DAPK1: variants seen among roughly 807,000 people sequenced by gnomAD.
DAPK1 encodes death associated protein kinase 1.
In DAPK1, 56 loss-of-function variants were observed where a neutral mutation model predicts 144.9. That is an observed-to-expected ratio of 0.39 (90% CI 0.31 to 0.48). DAPK1 has a LOEUF of 0.48. Among genes scored for constraint, DAPK1 ranks in the 20% least tolerant of loss-of-function variants. The pLI is 0.95. For missense variants in DAPK1, 1,454 were observed against 1,875.4 expected, an observed-to-expected ratio of 0.78 and a Z score of 4.15; for synonymous variants, 690 against 749.0, an observed-to-expected ratio of 0.92 and a Z score of 1.29.
At chr9:87,517,126 G>GGA (rs1554675696) in intron 2 of DAPK1, among the ~76,000 whole-genome samples, 1 of 151,588 alleles carries the variant, frequency 6.6e-6, no homozygotes, top group Non-Finnish European at 1.5e-5. Context: ...CAGTGTGTAG[G>GGA]AGAGTGAAGA....
intron 2 of DAPK1, among the ~76,000 whole-genome samples, chr9:87,562,724 A>G (rs1337353741): frequency 6.6e-6 from 1 of 152,244 alleles, no homozygotes. Flanking sequence ...GCTTAATTTA[A>G]AGCACACTGT....
intron 2 of DAPK1, among the ~76,000 whole-genome samples, chr9:87,566,243 G>A (rs192553054): frequency 1.3e-5 from 2 of 151,866 alleles, no homozygotes; most frequent in Non-Finnish European, 2.9e-5. Context: ...GGATAATCTC[G>A]ATCTCCTGAC....
chr9:87,643,134 A>C (rs935744971), intron 10 of DAPK1, among the ~76,000 whole-genome samples: 1 of 152,154 alleles, frequency 6.6e-6, no homozygotes, highest in Non-Finnish European at 1.5e-5. Flanking sequence ...TGGAAGGAGA[A>C]TCTCTATATC....
chr9:87,498,047 G>A lies in DAPK1; in HGVS notation c.-169G>A, dbSNP rs1199317411. 1 of 397,840 alleles carries A rather than the reference G, an allele frequency of 2.5e-6. No homozygotes were observed. Among genetic ancestry groups the A allele is most frequent in the Non-Finnish European group, 4.4e-6 (1 of 225,700 alleles). The allele number at this position is 397,840 out of a possible 1,614,324, so 24.6% of individuals were successfully genotyped here. Reference sequence around the variant, plus strand: ...CCGCCCCGGCTAGTCTCCGGCGCTGGCGCCTATGGTCGGCCTCCGACAGCG... The same window carrying A: ...CCGCCCCGGCTAGTCTCCGGCGCTGACGCCTATGGTCGGCCTCCGACAGCG... On this transcript the variant is annotated 5_prime_UTR_variant, in exon 1 of 26. Coordinates refer to ENST00000408954, the MANE Select transcript of DAPK1 (RefSeq NM_004938.4).
At chr9:87,586,297 G>A (rs998954598) in intron 2 of DAPK1, among the ~76,000 whole-genome samples, 2 of 152,034 alleles carry the variant, frequency 1.3e-5, no homozygotes, top group African/African-American at 4.8e-5. Context: ...CTCCAAGAAA[G>A]AGAAGAAAAT....
rs2117920272 is a variant in DAPK1 at position 87,686,857 on chromosome 9, A to G, written c.2413+118A>G. 1 of 1,426,612 alleles carries G rather than the reference A, an allele frequency of 7.0e-7. No homozygotes were observed. Among genetic ancestry groups the G allele is most frequent in the East Asian group, 2.5e-5 (1 of 39,864 alleles). 88.4% of individuals were successfully genotyped at this position (1,426,612 alleles called of 1,614,324 possible). A position where few individuals can be genotyped will look rare whatever the true frequency, so the allele number is the denominator to read the frequency against. ...TGTCACTTCCAGAAGGAAATCCAAC[A>G]CAGACTGATATTCAGAGTGAGCCAG... On this transcript the variant is annotated intron_variant, in intron 21 of 25. Coordinates refer to ENST00000408954, the MANE Select transcript of DAPK1 (RefSeq NM_004938.4). The surrounding 1 kb of genome is among the most constrained non-coding windows in gnomAD (Gnocchi z 4.2).
intron 2 of DAPK1, among the ~76,000 whole-genome samples, chr9:87,522,923 A>G (rs912150705): frequency 1.3e-5 from 2 of 151,926 alleles, no homozygotes; most frequent in Non-Finnish European, 2.9e-5. Flanking sequence ...CTCTTTGCCC[A>G]TTTTTCTCTA....
chr9:87,645,754 G>C (rs1830244423), intron 11 of DAPK1, 141 bp from the exon 12 acceptor site: 2 of 1,062,096 alleles, frequency 1.9e-6, no homozygotes, highest in Non-Finnish European at 2.7e-6. Flanking sequence ...GTCCCTCCAT[G>C]ACTGTATGGA....
rs149351331 is a variant in DAPK1 at position 87,660,131 on chromosome 9, C to T, written c.1923+2004C>T. Among the ~76,000 whole-genome samples the T allele has an allele frequency of 3.6e-3, 555 of 152,268 alleles. 5 individuals are homozygous for T. The highest frequency in any genetic ancestry group is 0.012 in the African/African-American group (506 of 41,576). On this transcript the variant is annotated intron_variant, in intron 18 of 25. Coordinates refer to ENST00000408954, the MANE Select transcript of DAPK1 (RefSeq NM_004938.4). The stretch of plus-strand genomic sequence containing the variant: ...CCCTGCCCTGTTCAGGACCGGAGCT[C>T]AGCGGCCTCCAGTGCCCTCCTGCGG...
intron 2 of DAPK1, among the ~76,000 whole-genome samples, chr9:87,533,556 A>G (rs930170952): frequency 6.6e-6 from 1 of 152,214 alleles, no homozygotes; most frequent in East Asian, 1.9e-4. Context: ...GACGTAGGCA[A>G]CCTGCTACCT....
intron 2 of DAPK1, among the ~76,000 whole-genome samples, chr9:87,528,713 T>A (rs1391441537): frequency 6.6e-6 from 1 of 151,452 alleles, no homozygotes; most frequent in East Asian, 2.0e-4. Context: ...CTACTAAAAA[T>A]ACAAAAAAAC....
chr9:87,701,862 C>G (rs1017282784), intron 24 of DAPK1: 1 of 470,316 alleles, frequency 2.1e-6, no homozygotes, highest in Non-Finnish European at 4.4e-6. Context: ...CACCAGATAT[C>G]CTCGTTGGGG....
chr9:87,681,615 C>T lies in DAPK1; in HGVS notation c.2213C>T (p.Ser738Phe), dbSNP rs188391159. 5.1e-4 allele frequency: 808 copies of T among 1,570,354 alleles called. No homozygotes were observed. Among genetic ancestry groups the T allele is most frequent in the Admixed American group, 9.8e-4 (59 of 59,950 alleles). The change falls in exon 20 of 26, where the codon TCT (serine) becomes TTT (phenylalanine). Residue 738 changes from serine to phenylalanine, a missense_variant. Physicochemically the swap from Ser to Phe is radical, Grantham distance 155. This residue lies in a region of DAPK1 where 1,025 missense variants were observed against 1,237.9 expected (regional missense o/e 0.83). Coordinates refer to ENST00000408954, the MANE Select transcript of DAPK1 (RefSeq NM_004938.4). ...SSRFPPSPLA[S>F]KPTVSVSINN... The stretch of plus-strand genomic sequence containing the variant: ...AGGTTCCCACCTTCACCCCTGGCTT[C>T]TAAGCCCACAGGTAGGAACCTCCAT...
At chr9:87,575,730 C>T (rs146560413) in intron 2 of DAPK1, among the ~76,000 whole-genome samples, 33 of 152,290 alleles carry the variant, frequency 2.2e-4, no homozygotes, top group African/African-American at 5.3e-4. Flanking sequence ...CTCTCCCTCC[C>T]GACTTTTTTT....
chr9:87,595,294 A>G (rs748843726), intron 2 of DAPK1, among the ~76,000 whole-genome samples: 11 of 151,934 alleles, frequency 7.2e-5, no homozygotes, highest in Non-Finnish European at 1.5e-4. Context: ...CCCTGTTGTG[A>G]CTCTGTTTAC....
chr9:87,702,957 T>G (rs928681236), intron 24 of DAPK1, 72 bp from the exon 25 acceptor site: 16 of 721,804 alleles, frequency 2.2e-5, no homozygotes, highest in Non-Finnish European at 3.8e-5. Context: ...AAAGGTGTCC[T>G]TTCCACTGTG....
intron 2 of DAPK1, among the ~76,000 whole-genome samples, chr9:87,534,216 T>C (rs969145798): frequency 5.3e-5 from 8 of 151,592 alleles, no homozygotes; most frequent in African/African-American, 1.7e-4. Context: ...GCCACACATA[T>C]GGCCAAAATG....
intron 2 of DAPK1, among the ~76,000 whole-genome samples, chr9:87,559,877 A>G (rs888712950): frequency 1.3e-5 from 2 of 151,694 alleles, no homozygotes; most frequent in African/African-American, 4.8e-5. Context: ...AAAGGCCCCC[A>G]TTCTTCATGC....
At position 87,706,642 on chromosome 9, in the gene DAPK1, G is replaced by T. The variant is rs769590904; in HGVS notation, c.3571G>T (p.Gly1191Cys). The T allele has an allele frequency of 1.9e-6, 3 of 1,612,798 alleles. No individual in the cohort carries two copies. The East Asian group carries it at 6.7e-5, about 36-fold the overall frequency. The change falls in exon 26 of 26, where the codon GGC (glycine) becomes TGC (cysteine). Residue 1191 changes from glycine to cysteine, a missense_variant. Around this residue, in one of 2 missense-constraint regions of DAPK1, gnomAD observed 1,025 missense variants for 1,237.9 expected, o/e 0.83. Coordinates refer to ENST00000408954, the MANE Select transcript of DAPK1 (RefSeq NM_004938.4). The surrounding 1 kb of genome is among the most constrained non-coding windows in gnomAD (Gnocchi z 9.0). ...AELLVLLVNH[G>C]QGIEVQVRGL... ...GCTGCTGGTGCTGCTGGTCAACCAC[G>T]GCCAGGGCATTGAGGTCCAGGTCCG...
Sources: allele counts gnomAD v4.1 joint callset (sites outside exome capture counted in the v4.1 genomes callset), GRCh38; gene constraint gnomAD v4.1.1; regional missense constraint gnomAD v4.1.1; non-coding constraint Gnocchi (gnomAD v3.1); transcripts MANE v1.5; gene names NCBI Gene and HGNC (gene_info 2026-07-23, HGNC 2026-07-21).